Variants in PKHD1 observed in about 807,000 individuals in gnomAD.
PKHD1 encodes the protein fibrocystin.
Under a neutral mutation model 412.0 loss-of-function variants are expected in PKHD1, and 291 were observed. The observed-to-expected ratio is 0.71, with a 90% CI of 0.64 to 0.78. PKHD1 has a LOEUF of 0.78. Among genes scored for constraint, PKHD1 ranks in the 30% least tolerant of loss-of-function variants. The pLI is 0.00. For missense variants in PKHD1, 4,825 were observed against 4,950.7 expected (o/e 0.97, Z 0.76); for synonymous variants, 1,777 against 1,821.5 (o/e 0.98, Z 0.62).
intron 37 of PKHD1, among the ~76,000 whole-genome samples, chr6:51,922,825 G>A (rs1412495017): frequency 9.9e-5 from 15 of 152,142 alleles, no homozygotes; most frequent in Admixed American, 7.2e-4. Context: ...GGAGTGTCCC[G>A]ATTTTCCAGG....
intron 63 of PKHD1, among the ~76,000 whole-genome samples, chr6:51,647,472 G>A (rs1342122347): frequency 2.0e-5 from 3 of 152,132 alleles, no homozygotes; most frequent in African/African-American, 7.2e-5. Context: ...GCTGGCAGTG[G>A]TGCTGGGATA....
At chr6:51,937,643 A>G (rs1206925617) in intron 36 of PKHD1, among the ~76,000 whole-genome samples, 1 of 152,220 alleles carries the variant, frequency 6.6e-6, no homozygotes, top group Non-Finnish European at 1.5e-5. Context: ...GTATACTTGG[A>G]CCAGACCCCT....
intron 59 of PKHD1, among the ~76,000 whole-genome samples, chr6:51,746,131 G>A (rs1562216735): frequency 6.6e-6 from 1 of 151,842 alleles, no homozygotes. Context: ...TCACATATTT[G>A]AATGAAACTC....
intron 43 of PKHD1, among the ~76,000 whole-genome samples, chr6:51,893,584 G>T (rs1340006203): frequency 6.6e-6 from 1 of 152,174 alleles, no homozygotes; most frequent in African/African-American, 2.4e-5. Context: ...TATTTATGCA[G>T]GCAGCTGGCA....
At chr6:51,936,444 G>C (rs1458792699) in intron 36 of PKHD1, among the ~76,000 whole-genome samples, 2 of 152,170 alleles carry the variant, frequency 1.3e-5, no homozygotes, top group Non-Finnish European at 2.9e-5. Flanking sequence ...TGCTAATGTA[G>C]TCATAAATCC....
intron 52 of PKHD1, among the ~76,000 whole-genome samples, chr6:51,827,096 T>C (rs1767444460): frequency 6.6e-6 from 1 of 152,192 alleles, no homozygotes; most frequent in Admixed American, 6.6e-5. Flanking sequence ...ACTTTCATTT[T>C]GTAAAATCAG....
At chr6:51,699,767 G>A (rs1410968524) in intron 60 of PKHD1, among the ~76,000 whole-genome samples, 2 of 151,956 alleles carry the variant, frequency 1.3e-5, no homozygotes, top group African/African-American at 4.8e-5. Context: ...ATTTCTTTTT[G>A]TATCTGTGCT....
chr6:52,000,426 T>C (rs1235599121), intron 35 of PKHD1, among the ~76,000 whole-genome samples: 1 of 152,226 alleles, frequency 6.6e-6, no homozygotes, highest in Non-Finnish European at 1.5e-5. Flanking sequence ...GTAAGCATTA[T>C]ACTCCTATAG....
intron 60 of PKHD1, among the ~76,000 whole-genome samples, chr6:51,734,112 T>C (rs989007167): frequency 6.6e-6 from 1 of 152,234 alleles, no homozygotes; most frequent in Non-Finnish European, 1.5e-5. Context: ...ATGTGTAGTA[T>C]GAACAGGTAT....
intron 62 of PKHD1, 32 bp downstream of exon 62, chr6:51,649,053 T>C: frequency 6.2e-7 from 1 of 1,605,278 alleles, no homozygotes; most frequent in Non-Finnish European, 8.5e-7. Context: ...TACTTAGCTC[T>C]AAAGACAGAT....
At chr6:51,925,918 C>T (rs1785526805) in intron 37 of PKHD1, among the ~76,000 whole-genome samples, 1 of 147,576 alleles carries the variant, frequency 6.8e-6, no homozygotes, top group Admixed American at 6.8e-5. Context: ...CTTATTCAAG[C>T]AAATATTTTT....
In PKHD1 at chr6:52,017,599, C is replaced by A. The variant is rs151160618; in HGVS notation, c.5411G>T (p.Arg1804Leu). The change falls in exon 34 of 67, where the codon CGT (arginine) becomes CTT (leucine). Residue 1804 changes from arginine to leucine, a missense_variant. Transcript: ENST00000371117. ...VSLAFLCGLKREEDSCEAARH... is the reference protein window; with the variant it reads ...VSLAFLCGLKLEEDSCEAARH... ...GGCAGCCTCACAGCTGTCCTCCTCA[C>A]GCTTCAGGCCACACAGGAAGGCCAA... 3.1e-6 allele frequency: 5 copies of A among 1,613,784 alleles called. No homozygotes were observed. The highest frequency in any genetic ancestry group is 1.7e-4 in the Middle Eastern group (1 of 5,878).
In PKHD1 at chr6:51,888,394, G is replaced by A. The variant is rs981940641; in HGVS notation, c.6997-1149C>T. Among the ~76,000 whole-genome samples, 12 of 152,058 alleles carry A rather than the reference G, an allele frequency of 7.9e-5. 2 individuals carry two copies. In the East Asian group the frequency reaches 2.3e-3, roughly 29 times the overall value. ...GTACCTACAATATGTTCATCCCTAT[G>A]TAACATAGACTTAAGACAAATTAAA... On this transcript the variant is annotated intron_variant, in intron 43 of 66. Transcript: ENST00000371117.
chr6:52,011,489 C>G (rs1335997248), intron 34 of PKHD1, among the ~76,000 whole-genome samples: 3 of 152,138 alleles, frequency 2.0e-5, no homozygotes, highest in African/African-American at 7.2e-5. Context: ...AGGTCAAAAC[C>G]AGATGGTCCT....
intron 60 of PKHD1, among the ~76,000 whole-genome samples, chr6:51,686,001 C>T (rs1053966426): frequency 2.0e-5 from 3 of 152,204 alleles, no homozygotes; most frequent in Middle Eastern, 3.4e-3. Flanking sequence ...CACTTATCCA[C>T]GTCTGACACT....
At chr6:51,635,862 G>GCA (rs1768471934) in intron 64 of PKHD1, among the ~76,000 whole-genome samples, 1 of 116,190 alleles carries the variant, frequency 8.6e-6, no homozygotes, top group African/African-American at 3.0e-5. Context: ...TGAAGGTGGG[G>GCA]GGGGGCGGGG....
intron 50 of PKHD1, among the ~76,000 whole-genome samples, chr6:51,845,173 C>T (rs1439963827): frequency 1.3e-5 from 2 of 152,198 alleles, no homozygotes; most frequent in African/African-American, 4.8e-5. Flanking sequence ...GAAATGCAGT[C>T]AGGTATATGG....
At chr6:51,725,493 AGAG>A (rs1367431840) in intron 60 of PKHD1, among the ~76,000 whole-genome samples, 1 of 152,164 alleles carries the variant, frequency 6.6e-6, no homozygotes, top group Admixed American at 6.5e-5. Flanking sequence ...ATGGAGAGAA[AGAG>A]AAGAGGAAAT....
chr6:52,008,529 TA>T (rs925621870), intron 35 of PKHD1, among the ~76,000 whole-genome samples: 2 of 151,906 alleles, frequency 1.3e-5, no homozygotes, highest in East Asian at 1.9e-4. Flanking sequence ...CATTTAAGCC[TA>T]AAAAAAATCA....
Sources: gnomAD v4.1 joint callset for allele counts (sites outside exome capture counted in the v4.1 genomes callset) on GRCh38, gnomAD v4.1.1 for gene constraint, MANE v1.5 for transcripts, NCBI Gene and HGNC (gene_info 2026-07-23, HGNC 2026-07-21) for gene names.